Variants in LMBRD2 observed in about 807,000 individuals in gnomAD.
LMBRD2 encodes G protein-coupled receptor-associated protein LMBRD2.
In LMBRD2, 55 loss-of-function variants were observed where a neutral mutation model predicts 94.4. That is an observed-to-expected ratio of 0.58 (90% CI 0.47 to 0.73). LMBRD2 has a LOEUF of 0.73. LMBRD2 is among the 30% of genes least tolerant of loss of function. LMBRD2 has a pLI of 0.00. For synonymous variants in LMBRD2, 246 were observed against 272.4 expected, an observed-to-expected ratio of 0.90 and a Z score of 0.95; for missense variants, 640 against 831.9, an observed-to-expected ratio of 0.77 and a Z score of 2.84.
chr5:36,142,947 G>T (rs1744453119), intron 2 of LMBRD2, among the ~76,000 whole-genome samples: 1 of 151,736 alleles, frequency 6.6e-6, no homozygotes. Flanking sequence ...GGATAGTCTC[G>T]ATCTCCTGAC....
rs370494472 is a variant in LMBRD2 at position 36,134,749 on chromosome 5, G to C, written c.747+1560C>G. Among the ~76,000 whole-genome samples, 37 of 152,214 alleles carry C rather than the reference G, an allele frequency of 2.4e-4. No individual in the cohort carries two copies. In the East Asian group the frequency reaches 6.2e-3, roughly 25 times the overall value. ...CTTGAACGTTAGTCCCCAGAACTGT[G>C]AGCCAATATTTTCTATTGTTTAAGC... is the stretch of plus-strand genomic sequence containing the variant. On this transcript the variant is annotated intron_variant, in intron 6 of 17. Transcript: ENST00000296603.
At chr5:36,109,838 T>G in intron 15 of LMBRD2, 107 bp downstream of exon 15, 1 of 785,808 alleles carries the variant, frequency 1.3e-6, no homozygotes, top group East Asian at 2.7e-5. Context: ...ATAACATTTT[T>G]CCACTGTTTT....
intron 6 of LMBRD2, among the ~76,000 whole-genome samples, chr5:36,126,383 A>C (rs1387646514): frequency 6.6e-6 from 1 of 152,226 alleles, no homozygotes; most frequent in Non-Finnish European, 1.5e-5. Flanking sequence ...GTTCCTTCAA[A>C]AGTTCATAAT....
Position 36,108,888 on chromosome 5 carries a change from T to C in LMBRD2, c.1792-249A>G, listed in dbSNP as rs532829869. On this transcript the variant is annotated intron_variant, in intron 15 of 17. Coordinates refer to ENST00000296603, the MANE Select transcript of LMBRD2 (RefSeq NM_001007527.2). ...TTTTGCTAACTTTGGTTGTTACTCA[T>C]CTATCTAAATTGTAAAACAATATTA... 4.3e-4 allele frequency among the ~76,000 whole-genome samples: 66 copies of C among 152,280 alleles called. 1 individual carries two copies. In the South Asian group the frequency reaches 0.013, roughly 31 times the overall value.
Position 36,116,447 on chromosome 5 carries a change from T to A in LMBRD2, c.1436+13A>T. 2 of 1,609,962 alleles carry A rather than the reference T, an allele frequency of 1.2e-6. No individual in the cohort carries two copies. On this transcript the variant is annotated intron_variant, in intron 11 of 17. Coordinates refer to ENST00000296603, the MANE Select transcript of LMBRD2 (RefSeq NM_001007527.2). ...ATGACATTTCTCTTGTTTCTAAACATAATCCTACTTACATGCCACTGAAAA... is the reference window on the plus strand; with the variant it reads ...ATGACATTTCTCTTGTTTCTAAACAAAATCCTACTTACATGCCACTGAAAA...
intron 13 of LMBRD2, among the ~76,000 whole-genome samples, chr5:36,111,693 A>G (rs1039810100): frequency 5.3e-5 from 8 of 151,940 alleles, no homozygotes; most frequent in African/African-American, 1.9e-4. Context: ...TATTTACTTT[A>G]AATTTGATTG....
chr5:36,143,988 AC>A (rs760861741), intron 1 of LMBRD2, among the ~76,000 whole-genome samples: 2 of 151,988 alleles, frequency 1.3e-5, no homozygotes, highest in Non-Finnish European at 2.9e-5. Context: ...TCACTGCTTT[AC>A]AAAATATATT....
At chr5:36,108,480 G>T in intron 16 of LMBRD2, 54 bp downstream of exon 16, 2 of 885,990 alleles carry the variant, frequency 2.3e-6, no homozygotes, top group Middle Eastern at 2.3e-4. Flanking sequence ...CAATCTCTAT[G>T]CAAGAAAGCA....
intron 2 of LMBRD2, 82 bp from the exon 3 acceptor site, chr5:36,142,681 T>C: frequency 2.5e-6 from 2 of 788,068 alleles, no homozygotes; most frequent in Admixed American, 3.9e-5. Context: ...TATAAATCTA[T>C]CTATCTAAAC....
At chr5:36,111,424 T>C (rs1246106280) in intron 13 of LMBRD2, among the ~76,000 whole-genome samples, 166 bp from the exon 14 acceptor site, 3 of 152,090 alleles carry the variant, frequency 2.0e-5, no homozygotes, top group Non-Finnish European at 4.4e-5. Flanking sequence ...GTACCACTTA[T>C]CTCCCTTTCT....
intron 16 of LMBRD2, among the ~76,000 whole-genome samples, chr5:36,106,508 CGTTTT>C (rs1743471756): frequency 7.5e-6 from 1 of 132,868 alleles, no homozygotes; most frequent in Non-Finnish European, 1.6e-5. Context: ...TTTTTTCTTT[CGTTTT>C]TTTTTTTTTT....
At chr5:36,121,129 TTA>T (rs1743879541) in intron 9 of LMBRD2, among the ~76,000 whole-genome samples, 1 of 152,222 alleles carries the variant, frequency 6.6e-6, no homozygotes, top group Non-Finnish European at 1.5e-5. Context: ...CTTTATGCCT[TTA>T]TATGTTTATT....
chr5:36,126,508 A>T (rs1005894590), intron 6 of LMBRD2, among the ~76,000 whole-genome samples: 1 of 152,216 alleles, frequency 6.6e-6, no homozygotes, highest in African/African-American at 2.4e-5. Context: ...TAAGCAGGTC[A>T]GACAGCATTC....
chr5:36,112,396 G>A (rs1581043452), intron 13 of LMBRD2, among the ~76,000 whole-genome samples: 1 of 152,096 alleles, frequency 6.6e-6, no homozygotes. Context: ...CTCTAGGCAG[G>A]TAGGTCTGAA....
rs1314454758 is a variant in LMBRD2 at position 36,116,505 on chromosome 5, G to A, written c.1391C>T (p.Ala464Val). 3.1e-6 allele frequency: 5 copies of A among 1,612,608 alleles called. No homozygotes were observed. The highest frequency in any genetic ancestry group is 4.2e-6 in the Non-Finnish European group (5 of 1,178,936). The change falls in exon 11 of 18, where the codon GCC becomes GTC. Residue 464 changes from alanine to valine, a missense_variant. Ala to Val is a moderately conservative substitution (Grantham distance 64, BLOSUM62 0). Transcript: ENST00000296603. ...RIRVFNYYYL[A>V]SHHQTDAYSL... The stretch of plus-strand genomic sequence containing the variant: ...ATAAGCATCAGTCTGGTGATGTGAG[G>A]CCAAATAATAATAGTTAAATACACG...
At chr5:36,105,486 C>A (rs552958113) in intron 16 of LMBRD2, among the ~76,000 whole-genome samples, 1 of 152,216 alleles carries the variant, frequency 6.6e-6, no homozygotes, top group South Asian at 2.1e-4. Flanking sequence ...TAACATTTAA[C>A]TATGGTATCA....
Position 36,122,795 on chromosome 5 carries a change from G to T in LMBRD2, c.936+53C>A. 5 of 1,533,586 alleles carry T rather than the reference G, an allele frequency of 3.3e-6. 1 individual carries two copies. In the South Asian group the frequency reaches 6.2e-5, roughly 19 times the overall value. 95.0% of individuals were successfully genotyped at this position (1,533,586 alleles called of 1,614,324 possible). ...TTCCTTTTTTTATGAGCAATGATTA[G>T]AAGTCTAATTAAAATCATCATTAAG... is the stretch of plus-strand genomic sequence containing the variant. On this transcript the variant is annotated intron_variant, in intron 8 of 17. Coordinates refer to ENST00000296603, the MANE Select transcript of LMBRD2 (RefSeq NM_001007527.2).
At chr5:36,136,545 A>G (rs1487015375) in intron 5 of LMBRD2, 26 bp from the exon 6 acceptor site, 1 of 1,583,598 alleles carries the variant, frequency 6.3e-7, no homozygotes, top group South Asian at 1.1e-5. Flanking sequence ...AACAGATAAT[A>G]TGTATATTTT....
intron 10 of LMBRD2, among the ~76,000 whole-genome samples, chr5:36,117,484 C>CA (rs1225678411): frequency 2.7e-5 from 4 of 150,422 alleles, no homozygotes; most frequent in Non-Finnish European, 5.9e-5. Context: ...ATTCTGCCTC[C>CA]AAAAAAAACA....
Sources: gnomAD v4.1 joint callset for allele counts (sites outside exome capture counted in the v4.1 genomes callset) on GRCh38, gnomAD v4.1.1 for gene constraint, MANE v1.5 for transcripts, NCBI Gene and HGNC (gene_info 2026-07-23, HGNC 2026-07-21) for gene names.